Variants in INTS4 observed in about 807,000 individuals in gnomAD.
INTS4 encodes the protein MSTP093.
A neutral mutation model predicts 119.5 loss-of-function variants in INTS4; 70 were observed. The observed-to-expected ratio is 0.59, with a 90% CI of 0.48 to 0.71. The LOEUF is 0.71. INTS4 is among the 30% of genes least tolerant of loss of function. The pLI, the probability that INTS4 is intolerant of heterozygous loss-of-function variation, is 0.00. For missense variants in INTS4, 867 were observed against 1,173.2 expected (o/e 0.74, Z 3.81); for synonymous variants, 316 against 419.6 (o/e 0.75, Z 3.02).
chr11:77,965,476 T>A (rs1855463049), intron 4 of INTS4, among the ~76,000 whole-genome samples: 1 of 152,118 alleles, frequency 6.6e-6, no homozygotes, highest in Non-Finnish European at 1.5e-5. Context: ...GATCAGCAAC[T>A]CCCCCCTCCC....
chr11:77,967,504 A>G (rs965961259), intron 4 of INTS4, among the ~76,000 whole-genome samples: 9 of 152,188 alleles, frequency 5.9e-5, no homozygotes, highest in African/African-American at 1.7e-4. Context: ...ACAGAGGTAT[A>G]TCCCGTAAGT....
chr11:77,970,609 T>C (rs1319914093), intron 4 of INTS4, among the ~76,000 whole-genome samples: 1 of 151,246 alleles, frequency 6.6e-6, no homozygotes, highest in Non-Finnish European at 1.5e-5. Context: ...CAGGCATATC[T>C]CTTGAGCTCA....
intron 2 of INTS4, among the ~76,000 whole-genome samples, chr11:77,988,512 C>A (rs1370314764): frequency 1.3e-5 from 2 of 152,008 alleles, no homozygotes; most frequent in Non-Finnish European, 2.9e-5. Context: ...AGAAATTATA[C>A]AGAATATTAG....
At position 77,883,921 on chromosome 11, in the gene INTS4, A is replaced by C; in HGVS notation, c.2624T>G (p.Ile875Ser). The C allele has an allele frequency of 6.2e-7, 1 of 1,613,304 alleles. No individual in the cohort carries two copies. Among genetic ancestry groups the C allele is most frequent in the East Asian group, 2.2e-5 (1 of 44,846 alleles). ...VLYPDGQAQM[I>S]HPKPADFRNP... is the part of the protein sequence containing the mutation. ...CCGGAAGTCTGCAGGCTTGGGGTGA[A>C]TCATCTGAGCCTGGCCATCTGGATA... The change falls in exon 22 of 23, where the codon ATT becomes AGT. Residue 875 changes from isoleucine to serine, a missense_variant. Physicochemically the swap from Ile to Ser is moderately radical, Grantham distance 142. Transcript: ENST00000534064.
chr11:77,876,406 T>C (rs1951596305), downstream of INTS4, among the ~76,000 whole-genome samples: 1 of 151,988 alleles, frequency 6.6e-6, no homozygotes, highest in Non-Finnish European at 1.5e-5. Context: ...AAAGGTCTTT[T>C]TTTTTTTTTC....
chr11:77,991,324 A>C (rs1437521096), intron 1 of INTS4, 25 bp from the exon 2 acceptor site: 17 of 1,581,630 alleles, frequency 1.1e-5, no homozygotes, highest in Non-Finnish European at 1.5e-5. Context: ...GAAAATCGAA[A>C]ACACAGAATC....
chr11:77,935,633 C>A (rs1050181886), intron 10 of INTS4, among the ~76,000 whole-genome samples: 1 of 152,040 alleles, frequency 6.6e-6, no homozygotes, highest in African/African-American at 2.4e-5. Flanking sequence ...TGGTGGCTTA[C>A]GTCTGTCATC....
chr11:77,955,992 T>C lies in INTS4; in HGVS notation c.868A>G (p.Met290Val), dbSNP rs769018750. 19 of 1,611,536 alleles carry C rather than the reference T, an allele frequency of 1.2e-5. No homozygotes were observed. The highest frequency in any genetic ancestry group is 2.3e-4 in the Middle Eastern group (1 of 4,428). The part of the protein sequence containing the change: ...VDDAFGKICH[M>V]VSDGSWVVRV... Reference sequence around the variant, plus strand: ...ACCACCCAAGAGCCATCACTGACCATGTGACAAATTTTGCCAAACGCATCA... The same window carrying C: ...ACCACCCAAGAGCCATCACTGACCACGTGACAAATTTTGCCAAACGCATCA... Residue 290 changes from methionine to valine, a missense_variant, in exon 8 of 23, where the codon ATG becomes GTG. Met to Val is a conservative substitution (Grantham distance 21). Transcript: ENST00000534064.
intron 3 of INTS4, 98 bp from the exon 4 acceptor site, chr11:77,979,200 G>A: frequency 1.5e-6 from 1 of 662,692 alleles, no homozygotes; most frequent in Non-Finnish European, 2.8e-6. Flanking sequence ...GCTAGGCGCA[G>A]TGACTCACAA....
At chr11:77,920,194 T>TACACATATATAC (rs879326268) in intron 14 of INTS4, among the ~76,000 whole-genome samples, 2 of 138,806 alleles carry the variant, frequency 1.4e-5, no homozygotes, top group East Asian at 4.0e-4. Context: ...CACATATATA[T>TACACATATATAC]ACATATATAT....
chr11:77,960,432 G>A lies in INTS4; in HGVS notation c.658-41C>T, dbSNP rs766038512. The A allele has an allele frequency of 1.1e-5, 16 of 1,392,290 alleles. No individual in the cohort carries two copies. The South Asian group carries it at 1.6e-4, about 14-fold the overall frequency. The allele number at this position is 1,392,290 out of a possible 1,614,324, so 86.2% of individuals were successfully genotyped here. On this transcript the variant is annotated intron_variant, in intron 5 of 22. Coordinates refer to ENST00000534064, the MANE Select transcript of INTS4 (RefSeq NM_033547.4). The stretch of plus-strand genomic sequence containing the variant: ...ATAGTTTAAGTGCTTGGGAGGAAAA[G>A]AGCAATATTTCCAATGTCTCCCCAC...
intron 10 of INTS4, among the ~76,000 whole-genome samples, chr11:77,935,262 C>T (rs1953759404): frequency 6.6e-6 from 1 of 152,218 alleles, no homozygotes; most frequent in South Asian, 2.1e-4. Context: ...ACTGCAATCC[C>T]TGAGAGATGG....
rs1565233073 is a variant in INTS4, at chr11:77,901,419, A to G, written c.2228+2T>C. 1 of 1,613,772 alleles carries G rather than the reference A, an allele frequency of 6.2e-7. No individual in the cohort carries two copies. Among genetic ancestry groups the G allele is most frequent in the Non-Finnish European group, 8.5e-7 (1 of 1,179,808 alleles). On this transcript the variant is annotated splice_donor_variant, in intron 18 of 22. Transcript: ENST00000534064. LOFTEE classifies it high-confidence loss of function. ...CATATTTTGGCCAACCCCACATCTT[A>G]CCCTCGTGTAGTTCGTGCTGTTACT...
At chr11:77,879,253 C>T in intron 22 of INTS4, 126 bp from the exon 23 acceptor site, 1 of 958,056 alleles carries the variant, frequency 1.0e-6, no homozygotes, top group South Asian at 1.6e-5. Context: ...TCTACATTCC[C>T]TCCCCTTACC....
intron 7 of INTS4, among the ~76,000 whole-genome samples, chr11:77,958,349 A>G (rs2136576056): frequency 6.6e-6 from 1 of 152,340 alleles, no homozygotes. Flanking sequence ...TTTAACCAGG[A>G]AAACTACATA....
At chr11:77,941,136 T>C (rs756385528) in intron 9 of INTS4, 44 bp downstream of exon 9, 23 of 1,603,078 alleles carry the variant, frequency 1.4e-5, no homozygotes, top group East Asian at 2.2e-5. Context: ...CCCCACTACA[T>C]TGGTTACAGA....
chr11:77,981,151 A>G (rs1439847837), intron 3 of INTS4, among the ~76,000 whole-genome samples: 1 of 149,860 alleles, frequency 6.7e-6, no homozygotes, highest in East Asian at 2.0e-4. Flanking sequence ...AGGCTGCTCA[A>G]TATATCAAGG....
In INTS4 at chr11:77,886,552, G is replaced by A. The variant is rs1410501340; in HGVS notation, c.2593-2600C>T. On this transcript the variant is annotated intron_variant, in intron 21 of 22. Coordinates refer to ENST00000534064, the MANE Select transcript of INTS4 (RefSeq NM_033547.4). The stretch of plus-strand genomic sequence containing the variant: ...GAGTAACTATGACTCTCTTAAGGTA[G>A]CCAAATGCCTTGTCATCTAATTAGT... Among the ~76,000 whole-genome samples the A allele has an allele frequency of 2.0e-5, 3 of 152,180 alleles. No homozygotes were observed. The East Asian group carries it at 5.8e-4, about 29-fold the overall frequency.
At chr11:77,933,326 G>A (rs939878020) in intron 10 of INTS4, among the ~76,000 whole-genome samples, 3 of 151,892 alleles carry the variant, frequency 2.0e-5, no homozygotes, top group Non-Finnish European at 2.9e-5. Flanking sequence ...CTCCCTGCCT[G>A]ATTGTCCTGC....
Sources: gnomAD v4.1 joint callset for allele counts (sites outside exome capture counted in the v4.1 genomes callset) on GRCh38, gnomAD v4.1.1 for gene constraint, MANE v1.5 for transcripts, NCBI Gene and HGNC (gene_info 2026-07-23, HGNC 2026-07-21) for gene names.